The following RABGAP1L variants were observed in gnomAD, a reference collection of about 807,000 sequenced individuals.
RABGAP1L encodes rab GTPase-activating protein 1-like.
A neutral mutation model predicts 137.7 loss-of-function variants in RABGAP1L; 63 were observed. The ratio of observed to expected loss-of-function variants is 0.46; its 90% CI spans 0.37 to 0.56. RABGAP1L has a LOEUF of 0.56. Among genes scored for constraint, RABGAP1L ranks in the 20% least tolerant of loss-of-function variants. The probability of loss-of-function intolerance (pLI) is 0.00; values close to 1 mark genes in which losing one functional copy is unlikely to be tolerated. For synonymous variants in RABGAP1L, 431 were observed against 433.7 expected (o/e 0.99, Z 0.08); for missense variants, 1,095 against 1,244.0 (o/e 0.88, Z 1.80).
chr1:174,888,187 A>C (rs1475807340), intron 19 of RABGAP1L, among the ~76,000 whole-genome samples: 2 of 152,256 alleles, frequency 1.3e-5, no homozygotes, highest in African/African-American at 4.8e-5. Context: ...TGTAATACAT[A>C]TAATGTGAAT....
intron 13 of RABGAP1L, among the ~76,000 whole-genome samples, chr1:174,467,400 TAA>T (rs532821147): frequency 5.6e-5 from 8 of 143,722 alleles, no homozygotes; most frequent in Admixed American, 7.0e-5. Flanking sequence ...TGAGCCTAGT[TAA>T]AAAAAAAAAA....
intron 19 of RABGAP1L, among the ~76,000 whole-genome samples, chr1:174,911,362 CACTT>C (rs1358130967): frequency 7.9e-5 from 12 of 152,214 alleles, no homozygotes; most frequent in African/African-American, 1.7e-4. Context: ...GCTTTGTTGA[CACTT>C]ACAGAAATAA....
intron 13 of RABGAP1L, among the ~76,000 whole-genome samples, chr1:174,586,074 C>T (rs188151214): frequency 2.0e-5 from 3 of 152,180 alleles, no homozygotes; most frequent in East Asian, 1.9e-4. Context: ...TACATGCATG[C>T]GTATGTTCAT....
chr1:174,344,521 C>A (rs1368252927), intron 11 of RABGAP1L, among the ~76,000 whole-genome samples: 3 of 152,138 alleles, frequency 2.0e-5, no homozygotes, highest in Admixed American at 1.3e-4. Context: ...TTAGTGATTA[C>A]CTTGGTGTGA....
intron 13 of RABGAP1L, among the ~76,000 whole-genome samples, chr1:174,561,751 G>A (rs779280339): frequency 6.6e-6 from 1 of 151,866 alleles, no homozygotes; most frequent in East Asian, 1.9e-4. Flanking sequence ...AAAAGCAATG[G>A]GGGAAAGATT....
In RABGAP1L at chr1:174,637,050, A is replaced by G. The variant is rs576199486; in HGVS notation, c.1711-325A>G. Reference sequence around the variant, plus strand: ...TACATGTCTTGATAAGGAACACTCTATGTTATCCCATTAAGTGAAAGAAAC... The same window carrying G: ...TACATGTCTTGATAAGGAACACTCTGTGTTATCCCATTAAGTGAAAGAAAC... On this transcript the variant is annotated intron_variant, in intron 13 of 25. Coordinates refer to ENST00000681986, the MANE Select transcript of RABGAP1L (RefSeq NM_001366446.1). 3.3e-5 allele frequency among the ~76,000 whole-genome samples: 5 copies of G among 152,306 alleles called. No homozygotes were observed. The South Asian group carries it at 6.2e-4, about 19-fold the overall frequency.
intron 13 of RABGAP1L, among the ~76,000 whole-genome samples, chr1:174,576,351 G>A (rs1011677694): frequency 6.6e-5 from 10 of 152,072 alleles, no homozygotes; most frequent in Non-Finnish European, 1.5e-4. Context: ...TCCCTCATGC[G>A]TCCGTTTATA....
At chr1:174,477,946 A>G (rs1658674900) in intron 13 of RABGAP1L, among the ~76,000 whole-genome samples, 2 of 152,162 alleles carry the variant, frequency 1.3e-5, no homozygotes, top group East Asian at 1.9e-4. Flanking sequence ...GCTAATATAG[A>G]TAGGATTCTC....
intron 14 of RABGAP1L, among the ~76,000 whole-genome samples, chr1:174,654,647 G>A (rs1263593797): frequency 6.6e-6 from 1 of 152,042 alleles, no homozygotes; most frequent in African/African-American, 2.4e-5. Context: ...AAAATATGGT[G>A]TTCTAGTTGT....
intron 7 of RABGAP1L, among the ~76,000 whole-genome samples, chr1:174,253,547 T>A (rs1207948192): frequency 6.6e-6 from 1 of 152,196 alleles, no homozygotes; most frequent in African/African-American, 2.4e-5. Context: ...TACCTAGTAC[T>A]TCTTTGTCTT....
At chr1:174,253,301 T>C (rs1336691944) in intron 7 of RABGAP1L, among the ~76,000 whole-genome samples, 4 of 152,062 alleles carry the variant, frequency 2.6e-5, no homozygotes, top group Non-Finnish European at 4.4e-5. Flanking sequence ...TGCAAAAATA[T>C]GTAGTGATGG....
Position 174,942,359 on chromosome 1 carries a change from A to G in RABGAP1L, c.2341-15098A>G, listed in dbSNP as rs557544665. Reference sequence around the variant, plus strand: ...TATTTCCTAGCCAATTTGAAGCAGTATATATAACTAACCAAGTACACCAGG... The same window carrying G: ...TATTTCCTAGCCAATTTGAAGCAGTGTATATAACTAACCAAGTACACCAGG... On this transcript the variant is annotated intron_variant, in intron 19 of 25. Coordinates refer to ENST00000681986, the MANE Select transcript of RABGAP1L (RefSeq NM_001366446.1). 6.6e-5 allele frequency among the ~76,000 whole-genome samples: 10 copies of G among 152,358 alleles called. No individual in the cohort carries two copies. In the East Asian group the frequency reaches 1.5e-3, roughly 24 times the overall value.
At chr1:174,288,821 GA>G (rs1558102496) in intron 10 of RABGAP1L, among the ~76,000 whole-genome samples, 1 of 151,814 alleles carries the variant, frequency 6.6e-6, no homozygotes, top group African/African-American at 2.4e-5. Context: ...TTTTCCTTCG[GA>G]TACTTCTGGA....
At chr1:174,787,009 G>A (rs772396037) in intron 18 of RABGAP1L, among the ~76,000 whole-genome samples, 8 of 152,104 alleles carry the variant, frequency 5.3e-5, no homozygotes, top group Admixed American at 2.0e-4. Flanking sequence ...GGAGACAGAC[G>A]TGCCTACAAA....
chr1:174,735,330 T>G (rs942495365), intron 17 of RABGAP1L, among the ~76,000 whole-genome samples: 3 of 151,834 alleles, frequency 2.0e-5, no homozygotes, highest in African/African-American at 4.8e-5. Flanking sequence ...GGCTGGAAGC[T>G]TCTCCCTTGA....
At chr1:174,210,509 A>C (rs1470911112) in intron 1 of RABGAP1L, among the ~76,000 whole-genome samples, 1 of 152,214 alleles carries the variant, frequency 6.6e-6, no homozygotes, top group African/African-American at 2.4e-5. Context: ...GAATTTGTGA[A>C]CTTGAAGATA....
chr1:174,536,799 C>T (rs566775373), intron 13 of RABGAP1L, among the ~76,000 whole-genome samples: 19 of 152,072 alleles, frequency 1.2e-4, no homozygotes, highest in East Asian at 3.9e-4. Context: ...GGTAGAGTAC[C>T]GGCATTAATG....
intron 11 of RABGAP1L, among the ~76,000 whole-genome samples, chr1:174,364,662 A>G (rs879415711): frequency 3.3e-5 from 5 of 152,160 alleles, no homozygotes; most frequent in Admixed American, 6.5e-5. Context: ...GTAGCCACAA[A>G]TGATCCTTTG....
intron 12 of RABGAP1L, among the ~76,000 whole-genome samples, chr1:174,385,977 T>A (rs1315932569): frequency 6.6e-6 from 1 of 152,158 alleles, no homozygotes; most frequent in Non-Finnish European, 1.5e-5. Context: ...AAATGGGCAA[T>A]ATAGCATGTT....
Sources: gnomAD v4.1 joint callset for allele counts (sites outside exome capture counted in the v4.1 genomes callset) on GRCh38, gnomAD v4.1.1 for gene constraint, MANE v1.5 for transcripts, NCBI Gene and HGNC (gene_info 2026-07-23, HGNC 2026-07-21) for gene names.